CDKAL1: variants seen among roughly 807,000 people sequenced by gnomAD.
CDKAL1 encodes the protein CDKAL1 threonylcarbamoyladenosine tRNA methylthiotransferase.
CDKAL1 carries 32 observed loss-of-function variants against 68.2 expected under a neutral mutation model. The observed-to-expected ratio is 0.47, with a 90% CI of 0.35 to 0.63. The LOEUF (loss-of-function observed/expected upper bound fraction) is 0.63, where lower values mean the gene tolerates loss of function less well. Ranked by LOEUF, CDKAL1 falls within the 30% of genes least tolerant of loss-of-function variation. The pLI is 0.00. For missense variants in CDKAL1, 606 were observed against 696.7 expected, an observed-to-expected ratio of 0.87 and a Z score of 1.47; for synonymous variants, 234 against 244.3, an observed-to-expected ratio of 0.96 and a Z score of 0.39.
At position 20,834,856 on chromosome 6, in the gene CDKAL1, G is replaced by A. The variant is rs114167174; in HGVS notation, c.639-11219G>A. Among the ~76,000 whole-genome samples, 427 of 152,230 alleles carry A rather than the reference G, an allele frequency of 2.8e-3. 4 individuals carry two copies. Among genetic ancestry groups the A allele is most frequent in the African/African-American group, 9.7e-3 (404 of 41,538 alleles). The stretch of plus-strand genomic sequence containing the variant: ...GAGGACAGGAAGCAAAATAGAAAAG[G>A]CAAGTCCATTCTCTCTTGTCTAGCC... On this transcript the variant is annotated intron_variant, in intron 8 of 15. Coordinates refer to ENST00000274695, the MANE Select transcript of CDKAL1 (RefSeq NM_017774.3).
intron 9 of CDKAL1, among the ~76,000 whole-genome samples, chr6:20,881,316 A>G (rs1760804663): frequency 2.0e-5 from 3 of 152,208 alleles, no homozygotes; most frequent in Admixed American, 6.5e-5. Context: ...AAACACTGAA[A>G]ACAGACTTTG....
chr6:21,139,464 A>G (rs1026803787), intron 13 of CDKAL1, among the ~76,000 whole-genome samples: 1 of 152,234 alleles, frequency 6.6e-6, no homozygotes, highest in Non-Finnish European at 1.5e-5. Flanking sequence ...AGGTAGAGAA[A>G]AATAACTTCT....
intron 5 of CDKAL1, among the ~76,000 whole-genome samples, chr6:20,674,408 CTA>C (rs1769993194): frequency 2.0e-5 from 3 of 152,138 alleles, no homozygotes. Context: ...TGTTAAGAAA[CTA>C]TCCATACATT....
chr6:20,866,215 A>G (rs1001199595), intron 9 of CDKAL1, among the ~76,000 whole-genome samples: 13 of 152,320 alleles, frequency 8.5e-5, no homozygotes, highest in African/African-American at 3.1e-4. Flanking sequence ...AGTCTGGCCA[A>G]CAGATAGAAA....
At chr6:20,916,253 TTG>T (rs1441713971) in intron 9 of CDKAL1, among the ~76,000 whole-genome samples, 12 of 152,224 alleles carry the variant, frequency 7.9e-5, no homozygotes, top group African/African-American at 2.7e-4. Context: ...TGCCAATTTT[TTG>T]TTCTTGATAA....
In CDKAL1 at chr6:20,649,485, AAG is replaced by A. The variant is rs1167146029; in HGVS notation, c.371+109_371+110del. 5.0e-6 allele frequency: 3 copies of A among 600,940 alleles called. No individual in the cohort carries two copies. In the African/African-American group the frequency reaches 5.8e-5, roughly 12 times the overall value. The allele number at this position is 600,940 out of a possible 1,614,324, so 37.2% of individuals were successfully genotyped here. On this transcript the variant is annotated intron_variant, in intron 5 of 15. Coordinates refer to ENST00000274695, the MANE Select transcript of CDKAL1 (RefSeq NM_017774.3). ...TATAGATATTTAGTTTATATTAAAA[AAG>A]TATGAGTTGGACTTTTAAGATTATA...
At chr6:20,937,042 C>T (rs1763753615) in intron 9 of CDKAL1, among the ~76,000 whole-genome samples, 1 of 152,142 alleles carries the variant, frequency 6.6e-6, no homozygotes, top group Non-Finnish European at 1.5e-5. Flanking sequence ...GTTACAAAAA[C>T]AGTAATAAGA....
At chr6:20,609,237 T>TTCTTCC (rs1487890373) in intron 4 of CDKAL1, among the ~76,000 whole-genome samples, 71 of 116,644 alleles carry the variant, frequency 6.1e-4, no homozygotes, top group African/African-American at 1.8e-3. Flanking sequence ...TTCTTCCTTC[T>TTCTTCC]TCCTTCCTTC....
intron 11 of CDKAL1, among the ~76,000 whole-genome samples, chr6:21,027,102 C>A (rs749353472): frequency 2.4e-4 from 36 of 152,266 alleles, no homozygotes; most frequent in Non-Finnish European, 2.9e-5. Context: ...AACCCTACCA[C>A]CAGCACCAAC....
At chr6:20,832,668 A>G (rs1777768109) in intron 8 of CDKAL1, among the ~76,000 whole-genome samples, 1 of 152,102 alleles carries the variant, frequency 6.6e-6, no homozygotes, top group African/African-American at 2.4e-5. Context: ...AAAAAAGGAA[A>G]TTGTTCAGAT....
intron 5 of CDKAL1, among the ~76,000 whole-genome samples, chr6:20,667,749 G>A (rs1164636059): frequency 6.6e-6 from 1 of 152,076 alleles, no homozygotes; most frequent in African/African-American, 2.4e-5. Flanking sequence ...TCTTTCCTGT[G>A]TGTACTTTTC....
At chr6:20,871,511 C>T (rs898787392) in intron 9 of CDKAL1, among the ~76,000 whole-genome samples, 5 of 152,110 alleles carry the variant, frequency 3.3e-5, no homozygotes, top group South Asian at 2.1e-4. Flanking sequence ...CAAGTTCGGT[C>T]TCTTCCCACT....
chr6:20,609,276 C>CCTTCTCCTTCTT (rs1554162631), intron 4 of CDKAL1, among the ~76,000 whole-genome samples: 5 of 131,758 alleles, frequency 3.8e-5, no homozygotes, highest in South Asian at 2.7e-4. Context: ...TCCTCCTTCT[C>CCTTCTCCTTCTT]CTCCTTCTCC....
chr6:21,192,365 T>G (rs1778291837), intron 13 of CDKAL1, among the ~76,000 whole-genome samples: 1 of 152,186 alleles, frequency 6.6e-6, no homozygotes, highest in Non-Finnish European at 1.5e-5. Context: ...GTTAAAATGA[T>G]GAAATGAAGT....
At chr6:20,910,394 A>AT (rs1377835193) in intron 9 of CDKAL1, among the ~76,000 whole-genome samples, 3 of 152,250 alleles carry the variant, frequency 2.0e-5, no homozygotes, top group African/African-American at 7.2e-5. Flanking sequence ...CTCATGGGAT[A>AT]TGCCTAGGCT....
intron 9 of CDKAL1, among the ~76,000 whole-genome samples, chr6:20,925,210 C>A (rs1034798458): frequency 1.3e-5 from 2 of 152,184 alleles, no homozygotes; most frequent in Non-Finnish European, 2.9e-5. Flanking sequence ...CTCAGACGAT[C>A]GTTAGCATTT....
intron 13 of CDKAL1, among the ~76,000 whole-genome samples, chr6:21,189,885 G>A (rs773855523): frequency 2.6e-5 from 4 of 152,292 alleles, no homozygotes; most frequent in Non-Finnish European, 4.4e-5. Context: ...AGGAGACCCA[G>A]CATCGCGTGC....
intron 10 of CDKAL1, among the ~76,000 whole-genome samples, chr6:20,974,853 C>G (rs953298218): frequency 1.3e-5 from 2 of 151,202 alleles, no homozygotes; most frequent in Non-Finnish European, 1.5e-5. Flanking sequence ...GTTGTATGCT[C>G]CTGTAGTACC....
At chr6:20,783,436 T>C (rs1052754908) in intron 8 of CDKAL1, among the ~76,000 whole-genome samples, 5 of 152,208 alleles carry the variant, frequency 3.3e-5, no homozygotes, top group Admixed American at 2.0e-4. Flanking sequence ...TTCTTCATTT[T>C]GTCACTCCCT....
Sources: gnomAD v4.1 joint callset for allele counts (sites outside exome capture counted in the v4.1 genomes callset) on GRCh38, gnomAD v4.1.1 for gene constraint, MANE v1.5 for transcripts, NCBI Gene and HGNC (gene_info 2026-07-23, HGNC 2026-07-21) for gene names.